The following TNIP3 variants were observed in gnomAD, a reference collection of about 807,000 sequenced individuals.
TNIP3 encodes the protein TNFAIP3 interacting protein 3.
Under a neutral mutation model 54.1 loss-of-function variants are expected in TNIP3, and 34 were observed. The ratio of observed to expected loss-of-function variants is 0.63; its 90% CI spans 0.48 to 0.84. TNIP3 has a LOEUF of 0.84. TNIP3 is among the 40% of genes least tolerant of loss of function. TNIP3 has a pLI of 0.00. For missense variants in TNIP3, 366 were observed against 387.6 expected, an observed-to-expected ratio of 0.94 and a Z score of 0.47; for synonymous variants, 134 against 136.8, an observed-to-expected ratio of 0.98 and a Z score of 0.14.
At chr4:121,143,109 G>T (rs924780517) in intron 7 of TNIP3, among the ~76,000 whole-genome samples, 1 of 152,150 alleles carries the variant, frequency 6.6e-6, no homozygotes, top group African/African-American at 2.4e-5. Context: ...CACAATAAAC[G>T]TTAGAAGTTA....
chr4:121,170,869 G>A (rs1431885818), intron 3 of TNIP3, among the ~76,000 whole-genome samples: 1 of 152,032 alleles, frequency 6.6e-6, no homozygotes, highest in Non-Finnish European at 1.5e-5. Context: ...AAGCTGGAGT[G>A]CAGTAGCATG....
intron 7 of TNIP3, among the ~76,000 whole-genome samples, chr4:121,145,962 A>G (rs1385063389): frequency 3.3e-5 from 5 of 151,408 alleles, no homozygotes; most frequent in Non-Finnish European, 5.9e-5. Context: ...GGGCAACAAG[A>G]GCAAAACACC....
At chr4:121,136,888 G>T in intron 10 of TNIP3, among the ~76,000 whole-genome samples, 1 of 147,612 alleles carries the variant, frequency 6.8e-6, no homozygotes, top group African/African-American at 2.5e-5. Context: ...AGCTTAGGTT[G>T]GTACATCATG....
At chr4:121,158,357 A>C (rs576802286) in intron 3 of TNIP3, among the ~76,000 whole-genome samples, 1 of 152,214 alleles carries the variant, frequency 6.6e-6, no homozygotes, top group Admixed American at 6.5e-5. Context: ...CTCACCTCAC[A>C]TATAACTTTG....
rs1227023079 is a variant in TNIP3 at position 121,131,601 on chromosome 4, CTTTTTTTTTTTTT to C, written c.*1017_*1029del. 9.2e-5 allele frequency: 11 copies of C among 120,158 alleles called. No homozygotes were observed. The highest frequency in any genetic ancestry group is 1.5e-4 in the Non-Finnish European group (9 of 58,406). The allele number at this position is 120,158 out of a possible 1,614,324, so 7.4% of individuals were successfully genotyped here. ...ATCATCCCATCAGGACTTTGTCTTC[CTTTTTTTTTTTTT>C]TTTTTTTTTGGTGGTGTGGAGTGGG... On this transcript the variant is annotated 3_prime_UTR_variant, in exon 11 of 11. Coordinates refer to ENST00000057513, the MANE Select transcript of TNIP3 (RefSeq NM_024873.6).
intron 5 of TNIP3, among the ~76,000 whole-genome samples, chr4:121,153,099 G>A (rs558869058): frequency 1.2e-4 from 19 of 152,238 alleles, no homozygotes; most frequent in South Asian, 6.2e-4. Context: ...TTTGTATAAA[G>A]ATCTGATTTT....
chr4:121,214,752 G>A (rs1726689100), intron 2 of TNIP3, among the ~76,000 whole-genome samples: 1 of 152,100 alleles, frequency 6.6e-6, no homozygotes, highest in Non-Finnish European at 1.5e-5. Flanking sequence ...TATCTTAGAG[G>A]TTGTCAGTAT....
At chr4:121,190,395 G>A (rs138084684) in intron 2 of TNIP3, among the ~76,000 whole-genome samples, 2 of 152,254 alleles carry the variant, frequency 1.3e-5, no homozygotes, top group East Asian at 3.9e-4. Flanking sequence ...TATTTGACAA[G>A]AGAGTAAATT....
chr4:121,223,590 A>G (rs1367765427), intron 1 of TNIP3, among the ~76,000 whole-genome samples: 1 of 136,224 alleles, frequency 7.3e-6, no homozygotes, highest in African/African-American at 2.9e-5. Context: ...TTTAGACCTT[A>G]CAAGGCTCCA....
intron 2 of TNIP3, among the ~76,000 whole-genome samples, chr4:121,198,991 T>C (rs1459853027): frequency 6.6e-6 from 1 of 152,202 alleles, no homozygotes; most frequent in Non-Finnish European, 1.5e-5. Flanking sequence ...GTATAGATCC[T>C]CTTTGATGGC....
chr4:121,146,691 C>T (rs1729450990), intron 7 of TNIP3, among the ~76,000 whole-genome samples: 1 of 152,006 alleles, frequency 6.6e-6, no homozygotes, highest in Admixed American at 6.6e-5. Context: ...TCCAACATAG[C>T]CCTTCAAAGA....
rs781651434 is a variant in TNIP3, at chr4:121,147,065, T to C, written c.719A>G (p.Asn240Ser). The C allele has an allele frequency of 1.9e-6, 3 of 1,612,852 alleles. No homozygotes were observed. The highest frequency in any genetic ancestry group is 2.2e-5 in the East Asian group (1 of 44,788). Residue 240 changes from asparagine to serine, a missense_variant, in exon 7 of 11, where the codon AAC becomes AGC. By Grantham distance (46) the Asn-to-Ser change is conservative (BLOSUM62 1). Transcript: ENST00000057513. ...QINETSQSQL[N>S]RLNSQIKACQ... The stretch of plus-strand genomic sequence containing the variant: ...GACTTGTACCTGGGAATTCAGCCTG[T>C]TCAACTGGGATTGGGAAGTTTCATT...
At chr4:121,193,280 T>C (rs571555504) in intron 2 of TNIP3, among the ~76,000 whole-genome samples, 3 of 152,176 alleles carry the variant, frequency 2.0e-5, no homozygotes, top group South Asian at 2.1e-4. Context: ...GTGATCTTCA[T>C]ATGGATGTGA....
chr4:121,132,722 C>A, intron 10 of TNIP3, 60 bp from the exon 11 acceptor site: 1 of 1,475,920 alleles, frequency 6.8e-7, no homozygotes, highest in Non-Finnish European at 9.4e-7. Context: ...TTCTCTTCTT[C>A]TGGCTTAAGG....
At chr4:121,206,314 A>C (rs1225851099) in intron 2 of TNIP3, among the ~76,000 whole-genome samples, 1 of 152,152 alleles carries the variant, frequency 6.6e-6, no homozygotes, top group African/African-American at 2.4e-5. Flanking sequence ...TTTGCTAAAC[A>C]CTTTGCATGC....
At chr4:121,203,743 C>T (rs1414197825) in intron 2 of TNIP3, among the ~76,000 whole-genome samples, 1 of 151,764 alleles carries the variant, frequency 6.6e-6, no homozygotes, top group Admixed American at 6.6e-5. Flanking sequence ...TATAGAAATA[C>T]ACCCATTTTA....
At chr4:121,215,510 T>A (rs952344474) in intron 2 of TNIP3, among the ~76,000 whole-genome samples, 18 of 152,162 alleles carry the variant, frequency 1.2e-4, no homozygotes, top group African/African-American at 4.3e-4. Context: ...CAAAACAAAC[T>A]GTTAGTTGAT....
rs757586748 is a variant in TNIP3 at position 121,157,226 on chromosome 4, C to G, written c.231G>C (p.Thr77=). 64 of 1,614,012 alleles carry G rather than the reference C, an allele frequency of 4.0e-5. No homozygotes were observed. The highest frequency in any genetic ancestry group is 5.4e-5 in the Non-Finnish European group (64 of 1,180,032). Residue 77 remains threonine, a synonymous_variant, in exon 4 of 11, where the codon ACG becomes ACC. Coordinates refer to ENST00000057513, the MANE Select transcript of TNIP3 (RefSeq NM_024873.6). The part of the protein sequence containing the change: ...LYERKVAELK[T]KLDAAERFLS... ...GGAATCTTTCCGCGGCGTCCAGTTT[C>G]GTCTTCAGCTCTGCTACCTGAGGAG...
chr4:121,174,050 G>A (rs756221624), intron 3 of TNIP3, among the ~76,000 whole-genome samples: 8 of 152,138 alleles, frequency 5.3e-5, no homozygotes, highest in Non-Finnish European at 1.0e-4. Flanking sequence ...TCTGTTTTCT[G>A]AATATAAAAT....
Sources: gnomAD v4.1 joint callset for allele counts (sites outside exome capture counted in the v4.1 genomes callset) on GRCh38, gnomAD v4.1.1 for gene constraint, MANE v1.5 for transcripts, NCBI Gene and HGNC (gene_info 2026-07-23, HGNC 2026-07-21) for gene names.